Variants in DCC observed in about 807,000 individuals in gnomAD.
DCC encodes the protein netrin receptor DCC.
Under a neutral mutation model 172.5 loss-of-function variants are expected in DCC, and 58 were observed. That is an observed-to-expected ratio of 0.34 (90% CI 0.27 to 0.42). The LOEUF is 0.42. Among genes scored for constraint, DCC ranks in the 10% least tolerant of loss-of-function variants. The pLI is 1.00. For synonymous variants in DCC, 709 were observed against 644.5 expected, an observed-to-expected ratio of 1.10 and a Z score of -1.52; for missense variants, 1,740 against 1,791.0, an observed-to-expected ratio of 0.97 and a Z score of 0.51.
Position 53,387,061 on chromosome 18 carries a change from G to A in DCC, c.2455+923G>A, listed in dbSNP as rs572751042. Among the ~76,000 whole-genome samples, 12 of 152,240 alleles carry A rather than the reference G, an allele frequency of 7.9e-5. No individual in the cohort carries two copies. In the South Asian group the frequency reaches 1.9e-3, roughly 24 times the overall value. ...ACTTGTCAGATATTGTCCCCTTAAC[G>A]AAAACAGAGGATCTGAGATAGCAAG... On this transcript the variant is annotated intron_variant, in intron 16 of 28. Coordinates refer to ENST00000442544, the MANE Select transcript of DCC (RefSeq NM_005215.4).
intron 8 of DCC, among the ~76,000 whole-genome samples, chr18:53,176,656 A>G (rs1480883957): frequency 2.0e-5 from 3 of 152,120 alleles, no homozygotes; most frequent in Non-Finnish European, 4.4e-5. Context: ...TTAGAATGGC[A>G]ATCACTAAAA....
intron 27 of DCC, among the ~76,000 whole-genome samples, chr18:53,523,106 G>T (rs1205674836): frequency 1.3e-5 from 2 of 152,138 alleles, no homozygotes; most frequent in Non-Finnish European, 2.9e-5. Context: ...GTGGGCAAAA[G>T]ATATGAACAG....
chr18:53,433,760 C>G (rs1251023950), intron 21 of DCC, among the ~76,000 whole-genome samples: 1 of 152,150 alleles, frequency 6.6e-6, no homozygotes, highest in Non-Finnish European at 1.5e-5. Flanking sequence ...GATTGTTCCT[C>G]TCACCACCAC....
chr18:53,526,870 A>ACCCCAGGCCG (rs11283682), intron 28 of DCC, 111 bp downstream of exon 28: 2 of 1,108,626 alleles, frequency 1.8e-6, no homozygotes, highest in Non-Finnish European at 1.4e-6. Flanking sequence ...ACCCCAGGCC[A>ACCCCAGGCCG]TTGTTGTTCT....
At chr18:53,318,285 G>A (rs1391477692) in intron 13 of DCC, among the ~76,000 whole-genome samples, 1 of 152,170 alleles carries the variant, frequency 6.6e-6, no homozygotes, top group Non-Finnish European at 1.5e-5. Context: ...ATGTAGTTGT[G>A]TGGTTTTGAG....
intron 3 of DCC, among the ~76,000 whole-genome samples, chr18:52,907,728 A>G (rs2039911337): frequency 6.6e-6 from 1 of 152,046 alleles, no homozygotes; most frequent in Non-Finnish European, 1.5e-5. Flanking sequence ...AGCCTGAACA[A>G]TCACTTACTT....
intron 22 of DCC, among the ~76,000 whole-genome samples, chr18:53,444,106 G>A (rs1056201141): frequency 6.6e-6 from 1 of 152,204 alleles, no homozygotes; most frequent in African/African-American, 2.4e-5. Context: ...AGCAGTGGTA[G>A]GGTTTGAGAA....
At chr18:53,046,783 A>C (rs1022237440) in intron 5 of DCC, among the ~76,000 whole-genome samples, 19 of 151,992 alleles carry the variant, frequency 1.3e-4, no homozygotes, top group South Asian at 1.0e-3. Context: ...CAAACATGAG[A>C]AGTTACAGAA....
intron 5 of DCC, among the ~76,000 whole-genome samples, chr18:52,930,928 G>C (rs920206737): frequency 1.3e-5 from 2 of 151,986 alleles, no homozygotes; most frequent in Non-Finnish European, 2.9e-5. Context: ...TGGATTACAT[G>C]TTGAATGTTT....
intron 1 of DCC, among the ~76,000 whole-genome samples, chr18:52,588,057 C>A (rs1368042250): frequency 6.6e-6 from 1 of 152,178 alleles, no homozygotes; most frequent in East Asian, 1.9e-4. Context: ...TCATGACAGG[C>A]AGTTCAGGTT....
chr18:53,517,448 T>C (rs1320484447), intron 27 of DCC, among the ~76,000 whole-genome samples: 1 of 140,716 alleles, frequency 7.1e-6, no homozygotes, highest in Non-Finnish European at 1.5e-5. Context: ...TAAAATATAA[T>C]AATAATAATA....
chr18:52,913,378 G>A (rs1048126329), intron 3 of DCC, among the ~76,000 whole-genome samples: 5 of 152,026 alleles, frequency 3.3e-5, no homozygotes, highest in African/African-American at 7.2e-5. Flanking sequence ...CTATTTGGAC[G>A]GACATCAACA....
chr18:53,495,403 A>AAG (rs1555679105), intron 26 of DCC, among the ~76,000 whole-genome samples: 46 of 151,088 alleles, frequency 3.0e-4, no homozygotes, highest in African/African-American at 1.0e-3. Context: ...AAAAAAAAAA[A>AAG]AAAGAAAGAA....
At chr18:52,708,051 T>A (rs1182895179) in intron 1 of DCC, among the ~76,000 whole-genome samples, 1 of 152,204 alleles carries the variant, frequency 6.6e-6, no homozygotes, top group Non-Finnish European at 1.5e-5. Flanking sequence ...CATATATTAG[T>A]TTGATGTAGC....
chr18:52,837,241 A>C (rs1311377181), intron 2 of DCC, among the ~76,000 whole-genome samples: 3 of 152,184 alleles, frequency 2.0e-5, no homozygotes, highest in Non-Finnish European at 1.5e-5. Context: ...CTCTGGAGAC[A>C]CTTTTCCCAT....
intron 2 of DCC, among the ~76,000 whole-genome samples, chr18:52,837,768 T>C (rs1398830252): frequency 1.3e-5 from 2 of 152,226 alleles, no homozygotes; most frequent in African/African-American, 2.4e-5. Flanking sequence ...TTATTTATGA[T>C]ACCAATTTAC....
chr18:52,403,372 T>G (rs764841845), intron 1 of DCC, among the ~76,000 whole-genome samples: 4 of 151,972 alleles, frequency 2.6e-5, no homozygotes, highest in African/African-American at 4.8e-5. Context: ...TTTGGTGGTT[T>G]CAAGTCTTTC....
chr18:53,530,500 C>T (rs946378947), intron 28 of DCC, 64 bp from the exon 29 acceptor site: 32 of 932,858 alleles, frequency 3.4e-5, no homozygotes, highest in African/African-American at 3.4e-4. Context: ...GCTGTGGCCC[C>T]GGCCTTCATA....
chr18:52,649,372 CAAAA>C (rs74178677), intron 1 of DCC, among the ~76,000 whole-genome samples: 3 of 124,040 alleles, frequency 2.4e-5, no homozygotes, highest in Non-Finnish European at 1.7e-5. Flanking sequence ...GATTCCGTAT[CAAAA>C]AAAAAAAAAA....
Sources: allele counts gnomAD v4.1 joint callset (sites outside exome capture counted in the v4.1 genomes callset), GRCh38; gene constraint gnomAD v4.1.1; transcripts MANE v1.5; gene names NCBI Gene and HGNC (gene_info 2026-07-23, HGNC 2026-07-21).